Variants in VPS13A observed in about 807,000 individuals in gnomAD.
VPS13A encodes intermembrane lipid transfer protein VPS13A.
VPS13A carries 264 observed loss-of-function variants against 390.9 expected under a neutral mutation model. The observed-to-expected ratio is 0.68, with a 90% CI of 0.61 to 0.75. VPS13A has a LOEUF of 0.75. Among genes scored for constraint, VPS13A ranks in the 30% least tolerant of loss-of-function variants. The probability of loss-of-function intolerance (pLI) is 0.00; values close to 1 mark genes in which losing one functional copy is unlikely to be tolerated. For missense variants in VPS13A, 3,409 were observed against 3,733.9 expected (o/e 0.91, Z 2.27); for synonymous variants, 1,231 against 1,227.1 (o/e 1.00, Z -0.07).
intron 42 of VPS13A, among the ~76,000 whole-genome samples, chr9:77,320,026 C>T (rs1829646139): frequency 6.6e-6 from 1 of 152,056 alleles, no homozygotes; most frequent in Admixed American, 6.6e-5. Flanking sequence ...GCCTATGCTT[C>T]TAATACAATT....
At chr9:77,339,068 G>A (rs1830682749) in intron 47 of VPS13A, 1 of 194,424 alleles carries the variant, frequency 5.1e-6, no homozygotes, top group Admixed American at 5.5e-5. Context: ...ATTGGAAATG[G>A]GTGATGAGGG....
chr9:77,203,118 C>T (rs906610895), intron 3 of VPS13A, among the ~76,000 whole-genome samples: 8 of 152,040 alleles, frequency 5.3e-5, no homozygotes, highest in Admixed American at 1.3e-4. Flanking sequence ...AAATTTCCCT[C>T]GTTTAGAATG....
rs1831594517 is a variant in VPS13A at position 77,353,555 on chromosome 9, A to G, written c.7566A>G (p.Gln2522=). ...GTGAGAAAGCAGAGTTAGCAGAGCA[A>G]GAAATTGCAGTGGCATTACAAGATG... is the stretch of plus-strand genomic sequence containing the variant. The part of the protein sequence containing the change: ...YESEKAELAE[Q]EIAVALQDVG... The change falls in exon 54 of 72, where the codon CAA becomes CAG. Residue 2522 remains glutamine (Q), a synonymous_variant. Coordinates refer to ENST00000360280, the MANE Select transcript of VPS13A (RefSeq NM_033305.3). 2 of 1,613,616 alleles carry G rather than the reference A, an allele frequency of 1.2e-6. No individual in the cohort carries two copies. Among genetic ancestry groups the G allele is most frequent in the Non-Finnish European group, 1.7e-6 (2 of 1,179,666 alleles).
rs928625858 is a variant in VPS13A, at chr9:77,227,589, C to G, written c.1452+104C>G. ...CCAGGCTGGACTGCAGTGGTGTGATCTCTGCTGCCAGCCTTAACCTGGCCT... is the reference window on the plus strand; with the variant it reads ...CCAGGCTGGACTGCAGTGGTGTGATGTCTGCTGCCAGCCTTAACCTGGCCT... On this transcript the variant is annotated intron_variant, in intron 16 of 71. Coordinates refer to ENST00000360280, the MANE Select transcript of VPS13A (RefSeq NM_033305.3). The G allele has an allele frequency of 2.8e-5, 25 of 887,502 alleles. No individual in the cohort carries two copies. The South Asian group carries it at 3.3e-4, about 12-fold the overall frequency. 55.0% of individuals were successfully genotyped at this position (887,502 alleles called of 1,614,324 possible).
In VPS13A at chr9:77,310,141, A is replaced by G. The variant is rs182616568; in HGVS notation, c.4114+2043A>G. Among the ~76,000 whole-genome samples, 370 of 152,248 alleles carry G rather than the reference A, an allele frequency of 2.4e-3. 2 individuals carry two copies. Among genetic ancestry groups the G allele is most frequent in the African/African-American group, 8.6e-3 (357 of 41,552 alleles). ...AGTTTTCTTAGACTTCTTCATACCC[A>G]TTCGTAAAAGAAATTAGTTTGAAAG... On this transcript the variant is annotated intron_variant, in intron 35 of 71. Coordinates refer to ENST00000360280, the MANE Select transcript of VPS13A (RefSeq NM_033305.3).
chr9:77,257,771 A>T (rs1383539451), intron 22 of VPS13A, among the ~76,000 whole-genome samples: 1 of 152,132 alleles, frequency 6.6e-6, no homozygotes, highest in African/African-American at 2.4e-5. Context: ...AGTGAAAAAT[A>T]AAACTGATAC....
At chr9:77,302,354 T>G (rs1262032249) in intron 33 of VPS13A, among the ~76,000 whole-genome samples, 1 of 148,342 alleles carries the variant, frequency 6.7e-6, no homozygotes, top group East Asian at 2.0e-4. Flanking sequence ...TATCGAAAAA[T>G]ACATATTTTT....
chr9:77,193,583 G>A (rs1444234857), intron 1 of VPS13A, among the ~76,000 whole-genome samples: 2 of 152,080 alleles, frequency 1.3e-5, no homozygotes, highest in African/African-American at 4.8e-5. Flanking sequence ...GCAGTGAGCC[G>A]AGATCATGCC....
At chr9:77,330,256 T>A (rs1327060157) in intron 45 of VPS13A, among the ~76,000 whole-genome samples, 1 of 152,156 alleles carries the variant, frequency 6.6e-6, no homozygotes, top group Non-Finnish European at 1.5e-5. Flanking sequence ...GGTCAAGTGA[T>A]CCTCCTGCAT....
chr9:77,362,974 C>T (rs529338571), intron 59 of VPS13A, among the ~76,000 whole-genome samples: 1 of 151,974 alleles, frequency 6.6e-6, no homozygotes, highest in African/African-American at 2.4e-5. Context: ...ATTTTGCACC[C>T]CTACTGAATT....
chr9:77,250,220 A>T lies in VPS13A; in HGVS notation c.2161A>T (p.Ser721Cys), dbSNP rs769903499. The change falls in exon 21 of 72, where the codon AGT becomes TGT. Residue 721 changes from serine to cysteine, a missense_variant. Coordinates refer to ENST00000360280, the MANE Select transcript of VPS13A (RefSeq NM_033305.3). ...ACTTACAAGTGTACAGCTGCTTTAC[A>T]GTAGAGTTGGTGAGTATAAAATGCA... ...IQLTSVQLLY[S>C]RVGDNWREAR... 8 of 1,613,420 alleles carry T rather than the reference A, an allele frequency of 5.0e-6. No homozygotes were observed. The Admixed American group carries it at 8.3e-5, about 17-fold the overall frequency.
intron 67 of VPS13A, among the ~76,000 whole-genome samples, chr9:77,374,118 G>A (rs1467052111): frequency 6.6e-6 from 1 of 152,040 alleles, no homozygotes; most frequent in Non-Finnish European, 1.5e-5. Context: ...AACTCAGTTT[G>A]TCTTCACCCT....
intron 1 of VPS13A, among the ~76,000 whole-genome samples, chr9:77,194,719 A>G (rs1051575832): frequency 1.3e-5 from 2 of 152,168 alleles, no homozygotes; most frequent in African/African-American, 4.8e-5. Flanking sequence ...AGAATGAGTC[A>G]TGGTGCTAGG....
chr9:77,221,382 A>G (rs113804501), intron 13 of VPS13A, 26 bp downstream of exon 13: 11 of 1,610,424 alleles, frequency 6.8e-6, no homozygotes. Context: ...GAAATTGTTG[A>G]GTGTTTTATA....
At chr9:77,234,859 T>A (rs1044950001) in intron 17 of VPS13A, among the ~76,000 whole-genome samples, 2 of 152,198 alleles carry the variant, frequency 1.3e-5, no homozygotes, top group Admixed American at 6.5e-5. Context: ...ATATAGGGAT[T>A]ACAATTAACA....
At chr9:77,384,501 C>G in intron 68 of VPS13A, 1 of 1,575,168 alleles carries the variant, frequency 6.3e-7, no homozygotes, top group Non-Finnish European at 8.7e-7. Context: ...ACTCTTTGAA[C>G]ATTTCATAAT....
intron 20 of VPS13A, among the ~76,000 whole-genome samples, chr9:77,249,626 A>G (rs17063439): frequency 0.012 from 1,872 of 152,292 alleles, 38 homozygotes; most frequent in African/African-American, 0.043. Flanking sequence ...AATAAAGGAG[A>G]GATACAAATA....
intron 71 of VPS13A, among the ~76,000 whole-genome samples, chr9:77,415,415 G>A (rs1287758483): frequency 1.3e-5 from 2 of 152,102 alleles, no homozygotes; most frequent in African/African-American, 2.4e-5. Flanking sequence ...TATCACCTCC[G>A]TGGCTTTTAT....
In VPS13A at chr9:77,247,368, GCTT is replaced by G; in HGVS notation, c.2014_2016del (p.Leu673del). 6.2e-7 allele frequency: 1 copy of G among 1,612,138 alleles called. No individual in the cohort carries two copies. Among genetic ancestry groups the G allele is most frequent in the Non-Finnish European group, 8.5e-7 (1 of 1,179,110 alleles). On this transcript the variant is annotated inframe_deletion, in exon 20 of 72. Coordinates refer to ENST00000360280, the MANE Select transcript of VPS13A (RefSeq NM_033305.3). Reference sequence around the variant, plus strand: ...GAATTTTTAGTCCTACATCAAATCTGCTTCTTTTGGACCTTGGTCATCTAAAGG... The same window carrying G: ...GAATTTTTAGTCCTACATCAAATCTGCTTTTGGACCTTGGTCATCTAAAGG...
Sources: gnomAD v4.1 joint callset for allele counts (sites outside exome capture counted in the v4.1 genomes callset) on GRCh38, gnomAD v4.1.1 for gene constraint, MANE v1.5 for transcripts, NCBI Gene and HGNC (gene_info 2026-07-23, HGNC 2026-07-21) for gene names.